USP45: variants seen among roughly 807,000 people sequenced by gnomAD.
The protein encoded by USP45 is ubiquitin carboxyl-terminal hydrolase 45.
A neutral mutation model predicts 95.8 loss-of-function variants in USP45; 89 were observed. The ratio of observed to expected loss-of-function variants is 0.93; its 90% CI spans 0.78 to 1.11. The LOEUF (loss-of-function observed/expected upper bound fraction) is 1.11. Ranked by LOEUF, USP45 falls within the 50% of genes least tolerant of loss-of-function variation. USP45 has a pLI of 0.00. For synonymous variants in USP45, 281 were observed against 316.2 expected (o/e 0.89, Z 1.18); for missense variants, 898 against 942.5 (o/e 0.95, Z 0.62).
intron 10 of USP45, chr6:99,468,301 G>C: frequency 3.8e-6 from 2 of 529,132 alleles, no homozygotes; most frequent in Admixed American, 2.5e-5. Flanking sequence ...TCACATAAAG[G>C]TATCGGTGTC....
intron 9 of USP45, 21 bp from the exon 10 acceptor site, chr6:99,468,639 A>G (rs1345862265): frequency 6.5e-7 from 1 of 1,531,738 alleles, no homozygotes; most frequent in Non-Finnish European, 9.0e-7. Flanking sequence ...AAGTTAATAG[A>G]TTCTGGTCTA....
At chr6:99,490,034 T>A (rs371669896) in intron 5 of USP45, among the ~76,000 whole-genome samples, 1 of 152,208 alleles carries the variant, frequency 6.6e-6, no homozygotes, top group Admixed American at 6.5e-5. Context: ...ACTGACATGG[T>A]TGACTACATG....
At chr6:99,464,441 GATAT>G (rs1338305096) in intron 13 of USP45, among the ~76,000 whole-genome samples, 159 bp downstream of exon 13, 1 of 152,162 alleles carries the variant, frequency 6.6e-6, no homozygotes, top group African/African-American at 2.4e-5. Context: ...GAGGATGTGG[GATAT>G]ATATAGTTAG....
intron 10 of USP45, chr6:99,468,035 C>A: frequency 2.5e-6 from 1 of 405,720 alleles, no homozygotes; most frequent in South Asian, 1.8e-5. Context: ...TCATTTGGGG[C>A]TCATATTTTT....
rs11965570 is a variant in USP45 at position 99,440,443 on chromosome 6, T to A, written c.2074-588A>T. On this transcript the variant is annotated intron_variant, in intron 15 of 17. Coordinates refer to ENST00000500704, the MANE Select transcript of USP45 (RefSeq NM_001346022.3). ...TCAAAGGCAAACCTTAAAAAGTATA[T>A]GCTTTGCATTATGTAATGGTAATAA... 9.3e-3 allele frequency among the ~76,000 whole-genome samples: 1,416 copies of A among 152,318 alleles called. 25 individuals carry two copies. The highest frequency in any genetic ancestry group is 0.031 in the African/African-American group (1,309 of 41,574).
intron 9 of USP45, among the ~76,000 whole-genome samples, chr6:99,472,541 T>TA (rs1208902361): frequency 6.6e-6 from 1 of 152,142 alleles, no homozygotes; most frequent in African/African-American, 2.4e-5. Context: ...TAATTCCATT[T>TA]AATGATACAT....
intron 9 of USP45, among the ~76,000 whole-genome samples, chr6:99,472,845 C>T (rs1789785331): frequency 6.6e-6 from 1 of 152,020 alleles, no homozygotes; most frequent in African/African-American, 2.4e-5. Context: ...TACAGATGTC[C>T]AAGCATTTAA....
intron 1 of USP45, among the ~76,000 whole-genome samples, chr6:99,511,845 G>GTA (rs751350306): frequency 0.15 from 3,310 of 21,788 alleles, 59 homozygotes; most frequent in Admixed American, 0.22. Context: ...GTGAGTGTGT[G>GTA]TATATATATA....
chr6:99,494,435 T>C (rs939022796), intron 5 of USP45, among the ~76,000 whole-genome samples: 1 of 151,958 alleles, frequency 6.6e-6, no homozygotes, highest in Non-Finnish European at 1.5e-5. Context: ...CCTCAAGTCT[T>C]CAAAGACAAA....
intron 5 of USP45, among the ~76,000 whole-genome samples, chr6:99,497,257 G>A (rs1325228602): frequency 6.6e-6 from 1 of 152,038 alleles, no homozygotes; most frequent in Non-Finnish European, 1.5e-5. Flanking sequence ...ATGGGGAAGG[G>A]GGAGGTAGAG....
chr6:99,486,820 G>A (rs1230995122), intron 7 of USP45, among the ~76,000 whole-genome samples: 1 of 151,760 alleles, frequency 6.6e-6, no homozygotes, highest in Non-Finnish European at 1.5e-5. Context: ...CATATACTCT[G>A]ACTTACACAC....
chr6:99,432,484 T>G lies in USP45; in HGVS notation c.*3232A>C, dbSNP rs1164251058. The G allele has an allele frequency of 1.3e-5, 2 of 152,078 alleles. No homozygotes were observed. The highest frequency in any genetic ancestry group is 2.9e-5 in the Non-Finnish European group (2 of 68,010). The allele number at this position is 152,078 out of a possible 1,614,324, so 9.4% of individuals were successfully genotyped here. On this transcript the variant is annotated 3_prime_UTR_variant, in exon 18 of 18. Transcript: ENST00000500704. ...TATTTATTATGCATGTTTTATACAG[T>G]AACACCAAAATAACGCTCAATAAGT...
In USP45 at chr6:99,446,061, C is replaced by G. The variant is rs549153676; in HGVS notation, c.1711G>C (p.Asp571His). The G allele has an allele frequency of 1.2e-6, 2 of 1,614,038 alleles. No homozygotes were observed. Among genetic ancestry groups the G allele is most frequent in the South Asian group, 1.1e-5 (1 of 91,080 alleles). ...ELRLSSTVTG[D>H]QDFDRENQPL... ...TGATTTTCTCTGTCAAAATCTTGAT[C>G]TCCAGTTACAGTGCTGCTCAAACGA... The change falls in exon 14 of 18, where the codon GAT (aspartate) becomes CAT (histidine). Residue 571 changes from aspartate to histidine, a missense_variant. Transcript: ENST00000500704.
chr6:99,510,184 T>C lies in USP45; in HGVS notation c.37A>G (p.Lys13Glu). The C allele has an allele frequency of 1.9e-6, 3 of 1,614,084 alleles. No homozygotes were observed. Among genetic ancestry groups the C allele is most frequent in the Non-Finnish European group, 2.5e-6 (3 of 1,179,940 alleles). ...VKDPTKALPEKAKRSKRPTVP... is the reference protein window; with the variant it reads ...VKDPTKALPEEAKRSKRPTVP... Reference sequence around the variant, plus strand: ...GTAGGCCTTTTACTTCTTTTGGCTTTCTCAGGTAAAGCTTTAGTTGGATCT... The same window carrying C: ...GTAGGCCTTTTACTTCTTTTGGCTTCCTCAGGTAAAGCTTTAGTTGGATCT... Residue 13 changes from lysine to glutamate, a missense_variant, in exon 2 of 18, where the codon AAA (lysine) becomes GAA (glutamate). By Grantham distance (56) the Lys-to-Glu change is moderately conservative (BLOSUM62 1). Coordinates refer to ENST00000500704, the MANE Select transcript of USP45 (RefSeq NM_001346022.3).
In USP45 at chr6:99,468,923, A is replaced by G. The variant is rs11754049; in HGVS notation, c.934-305T>C. 2.4e-3 allele frequency among the ~76,000 whole-genome samples: 360 copies of G among 152,218 alleles called. 2 individuals are homozygous for G. The highest frequency in any genetic ancestry group is 4.3e-3 in the Non-Finnish European group (289 of 67,988). On this transcript the variant is annotated intron_variant, in intron 9 of 17. Coordinates refer to ENST00000500704, the MANE Select transcript of USP45 (RefSeq NM_001346022.3). ...AGCCTAGTCCTGTTGCTTAGCATAA[A>G]TTAATTTGCCCTCTTTCTTCCTTCT... is the stretch of plus-strand genomic sequence containing the variant.
chr6:99,442,833 G>A (rs1280549339), intron 15 of USP45, among the ~76,000 whole-genome samples: 1 of 151,340 alleles, frequency 6.6e-6, no homozygotes, highest in African/African-American at 2.4e-5. Flanking sequence ...GCAACAGAGG[G>A]AGATTCTCTC....
intron 5 of USP45, 36 bp downstream of exon 5, chr6:99,503,729 T>G: frequency 7.2e-7 from 1 of 1,391,752 alleles, no homozygotes; most frequent in South Asian, 1.3e-5. Flanking sequence ...AATACTGTAT[T>G]TTAACACAGA....
At chr6:99,509,594 GC>G (rs771244173) in intron 2 of USP45, among the ~76,000 whole-genome samples, 26 of 151,066 alleles carry the variant, frequency 1.7e-4, no homozygotes, top group Non-Finnish European at 3.4e-4. Context: ...AAAGCCATCT[GC>G]CAAGCTCTGG....
Position 99,443,335 on chromosome 6 carries a change from G to C in USP45, c.2073+230C>G, listed in dbSNP as rs186701118. ...TTCTATTACCACACAAACACACACA[G>C]AGATACCATTTAGGTTCCTGCTGCC... is the stretch of plus-strand genomic sequence containing the variant. On this transcript the variant is annotated intron_variant, in intron 15 of 17. Transcript: ENST00000500704. Among the ~76,000 whole-genome samples the C allele has an allele frequency of 4.1e-3, 623 of 152,274 alleles. 7 individuals are homozygous for C. The highest frequency in any genetic ancestry group is 0.014 in the African/African-American group (591 of 41,548).
Sources: allele counts gnomAD v4.1 joint callset (sites outside exome capture counted in the v4.1 genomes callset), GRCh38; gene constraint gnomAD v4.1.1; transcripts MANE v1.5; gene names NCBI Gene and HGNC (gene_info 2026-07-23, HGNC 2026-07-21).